The following BATF3 variants were observed in gnomAD, a reference collection of about 807,000 sequenced individuals.
BATF3 encodes the protein basic leucine zipper ATF-like transcription factor 3.
A neutral mutation model predicts 16.1 loss-of-function variants in BATF3; 8 were observed. The ratio of observed to expected loss-of-function variants is 0.50; its 90% CI spans 0.29 to 0.90. The LOEUF (loss-of-function observed/expected upper bound fraction) is 0.90. Ranked by LOEUF, BATF3 falls within the 40% of genes least tolerant of loss-of-function variation. BATF3 has a pLI of 0.08. For synonymous variants in BATF3, 74 were observed against 72.7 expected (o/e 1.02, Z -0.09); for missense variants, 139 against 167.0 (o/e 0.83, Z 0.92).
chr1:212,686,730 C>A lies in BATF3; in HGVS notation c.*61G>T. 6.5e-7 allele frequency: 1 copy of A among 1,547,130 alleles called. No individual in the cohort carries two copies. ...CCTGTATACAATTGTGAAGGAAAAG[C>A]CTTCCTCCCAGGTATGAAAATGACC... On this transcript the variant is annotated 3_prime_UTR_variant, in exon 3 of 3. Transcript: ENST00000243440.
chr1:212,696,073 C>A (rs528771382), intron 2 of BATF3, among the ~76,000 whole-genome samples: 1 of 151,528 alleles, frequency 6.6e-6, no homozygotes, highest in South Asian at 2.1e-4. Context: ...AGAGGGCCTG[C>A]CTGGAGTAAT....
rs1299618839 is a variant in BATF3, at chr1:212,699,626, G to T, written c.90+47C>A. 4.0e-6 allele frequency: 5 copies of T among 1,247,864 alleles called. No individual in the cohort carries two copies. The highest frequency in any genetic ancestry group is 5.0e-6 in the Non-Finnish European group (5 of 991,224). 77.3% of individuals were successfully genotyped at this position (1,247,864 alleles called of 1,614,324 possible). ...CCCACCTCCTCGCCCCCCGCGGCGC[G>T]CCGGTCCCCGCACCCCACGGCCCTC... On this transcript the variant is annotated intron_variant, in intron 1 of 2. Transcript: ENST00000243440. The surrounding 1 kb of genome is among the most constrained non-coding windows in gnomAD (Gnocchi z 4.4).
chr1:212,699,256 A>ACCCCC lies in BATF3; in HGVS notation c.90+412_90+416dup, dbSNP rs57901499. 9.9e-5 allele frequency among the ~76,000 whole-genome samples: 15 copies of ACCCCC among 151,068 alleles called. No individual in the cohort carries two copies. Among genetic ancestry groups the ACCCCC allele is most frequent in the African/African-American group, 3.2e-4 (13 of 41,088 alleles). ...CGGCGTTCTCCATTCCCGCGGCAGC[A>ACCCCC]CCCCCCCCACCCGGGGGAATCCTGG... On this transcript the variant is annotated intron_variant, in intron 1 of 2. Coordinates refer to ENST00000243440, the MANE Select transcript of BATF3 (RefSeq NM_018664.3). This position sits in a 1 kb window ranked among gnomAD's most constrained non-coding sequence, Gnocchi z 4.4.
chr1:212,692,402 C>A lies in BATF3; in HGVS notation c.195+4559G>T, dbSNP rs113500175. Among the ~76,000 whole-genome samples, 1,188 of 152,028 alleles carry A rather than the reference C, an allele frequency of 7.8e-3. 14 individuals are homozygous for A. The highest frequency in any genetic ancestry group is 0.027 in the African/African-American group (1,128 of 41,436). On this transcript the variant is annotated intron_variant, in intron 2 of 2. Coordinates refer to ENST00000243440, the MANE Select transcript of BATF3 (RefSeq NM_018664.3). ...CAGGAAGACGAAAGAGCAAAAAAAACCCAAAAAAACCAGAGGCTCAAGTAT... is the reference window on the plus strand; with the variant it reads ...CAGGAAGACGAAAGAGCAAAAAAAAACCAAAAAAACCAGAGGCTCAAGTAT...
At chr1:212,691,325 C>T (rs188027880) in intron 2 of BATF3, among the ~76,000 whole-genome samples, 1 of 152,304 alleles carries the variant, frequency 6.6e-6, no homozygotes, top group East Asian at 1.9e-4. Flanking sequence ...CTGAGAGGTA[C>T]AGTGACTTTT....
chr1:212,689,765 TCACA>T lies in BATF3; in HGVS notation c.196-2790_196-2787del, dbSNP rs1302600801. ...TACACACATACACATATACACACAC[TCACA>T]CACGTCCGCAAACACACTCACACAC... is the stretch of plus-strand genomic sequence containing the variant. On this transcript the variant is annotated intron_variant, in intron 2 of 2. Coordinates refer to ENST00000243440, the MANE Select transcript of BATF3 (RefSeq NM_018664.3). This position sits in a 1 kb window ranked among gnomAD's most constrained non-coding sequence, Gnocchi z 4.6. 6.8e-6 allele frequency among the ~76,000 whole-genome samples: 1 copy of T among 147,794 alleles called. No individual in the cohort carries two copies. The highest frequency in any genetic ancestry group is 2.1e-4 in the South Asian group (1 of 4,674).
Position 212,686,757 on chromosome 1 carries a change from A to G in BATF3, c.*34T>C, listed in dbSNP as rs1656858584. The G allele has an allele frequency of 6.3e-7, 1 of 1,590,172 alleles. No homozygotes were observed. Among genetic ancestry groups the G allele is most frequent in the Non-Finnish European group, 8.6e-7 (1 of 1,166,572 alleles). ...TTCCTCCCAGGTATGAAAATGACCAAGGCTCCTTGCTGGGCAGAGGAGTGT... is the reference window on the plus strand; with the variant it reads ...TTCCTCCCAGGTATGAAAATGACCAGGGCTCCTTGCTGGGCAGAGGAGTGT... On this transcript the variant is annotated 3_prime_UTR_variant, in exon 3 of 3. Coordinates refer to ENST00000243440, the MANE Select transcript of BATF3 (RefSeq NM_018664.3).
Position 212,699,674 on chromosome 1 carries a change from T to G in BATF3, c.89A>C (p.Gln30Pro). Residue 30 changes from glutamine (Q) to proline (P), a missense_variant and splice_region_variant, in exon 1 of 3, where the codon CAG becomes CCG. Gln to Pro is a moderately conservative substitution (Grantham distance 76). Transcript: ENST00000243440. This position sits in a 1 kb window ranked among gnomAD's most constrained non-coding sequence, Gnocchi z 4.4. ...GNQPQPQPQQ[Q>P]SPEDDDRKVR... is the part of the protein sequence containing the mutation. ...CTCCCTGAGCCTCTCGCCCTCTACCTGCTGCTGCGGCTGCGGCTGCGGCTG... is the reference window on the plus strand; with the variant it reads ...CTCCCTGAGCCTCTCGCCCTCTACCGGCTGCTGCGGCTGCGGCTGCGGCTG... The G allele has an allele frequency of 2.2e-6, 3 of 1,338,308 alleles. No individual in the cohort carries two copies. The highest frequency in any genetic ancestry group is 1.9e-5 in the South Asian group (1 of 53,428). The allele number at this position is 1,338,308 out of a possible 1,614,324, so 82.9% of individuals were successfully genotyped here.
intron 1 of BATF3, chr1:212,697,534 A>G (rs1657161104): frequency 6.4e-6 from 1 of 155,902 alleles, no homozygotes. Flanking sequence ...TCCTTATACC[A>G]CCACACATGA....
At chr1:212,695,222 G>A (rs138858941) in intron 2 of BATF3, among the ~76,000 whole-genome samples, 1,633 of 152,202 alleles carry the variant, frequency 0.011, 17 homozygotes, top group Middle Eastern at 0.024. Flanking sequence ...ATGGCCAGGC[G>A]CAGTGGCTCA....
chr1:212,686,770 G>A lies in BATF3; in HGVS notation c.*21C>T. 1 of 1,602,202 alleles carries A rather than the reference G, an allele frequency of 6.2e-7. No individual in the cohort carries two copies. Among genetic ancestry groups the A allele is most frequent in the Non-Finnish European group, 8.5e-7 (1 of 1,173,614 alleles). On this transcript the variant is annotated 3_prime_UTR_variant, in exon 3 of 3. Transcript: ENST00000243440. ...TGAAAATGACCAAGGCTCCTTGCTGGGCAGAGGAGTGTCCCCGGCTTCATC... is the reference window on the plus strand; with the variant it reads ...TGAAAATGACCAAGGCTCCTTGCTGAGCAGAGGAGTGTCCCCGGCTTCATC...
At chr1:212,693,149 A>G (rs1657040336) in intron 2 of BATF3, among the ~76,000 whole-genome samples, 1 of 152,208 alleles carries the variant, frequency 6.6e-6, no homozygotes, top group South Asian at 2.1e-4. Flanking sequence ...TAAACCAGAT[A>G]CCTTGCCTCC....
chr1:212,687,094 C>T, intron 2 of BATF3, 115 bp from the exon 3 acceptor site: 1 of 695,316 alleles, frequency 1.4e-6, no homozygotes, highest in Non-Finnish European at 2.6e-6. Flanking sequence ...CGCATGTCCC[C>T]TCCACTGCTC....
chr1:212,697,822 A>C (rs1657167503), intron 1 of BATF3: 1 of 152,220 alleles, frequency 6.6e-6, no homozygotes, highest in South Asian at 2.1e-4. Context: ...AAAACACTTC[A>C]ATCAGCTATA....
In BATF3 at chr1:212,691,391, T is replaced by C. The variant is rs538124293; in HGVS notation, c.196-4412A>G. 3.3e-5 allele frequency among the ~76,000 whole-genome samples: 5 copies of C among 152,300 alleles called. No individual in the cohort carries two copies. In the South Asian group the frequency reaches 8.3e-4, roughly 25 times the overall value. Reference sequence around the variant, plus strand: ...CTAACTTCAAGGTCAACTGCAACTCTCTTGTAGCATCAACAATTCTGCTTT... The same window carrying C: ...CTAACTTCAAGGTCAACTGCAACTCCCTTGTAGCATCAACAATTCTGCTTT... On this transcript the variant is annotated intron_variant, in intron 2 of 2. Transcript: ENST00000243440.
chr1:212,686,693 C>T lies in BATF3; in HGVS notation c.*98G>A, dbSNP rs1656857636. 2.7e-6 allele frequency: 4 copies of T among 1,457,100 alleles called. No homozygotes were observed. The highest frequency in any genetic ancestry group is 3.6e-6 in the Non-Finnish European group (4 of 1,102,880). The allele number at this position is 1,457,100 out of a possible 1,614,324, so 90.3% of individuals were successfully genotyped here. A position where few individuals can be genotyped will look rare whatever the true frequency, so the allele number is the denominator to read the frequency against. On this transcript the variant is annotated 3_prime_UTR_variant, in exon 3 of 3. Coordinates refer to ENST00000243440, the MANE Select transcript of BATF3 (RefSeq NM_018664.3). Reference sequence around the variant, plus strand: ...CTGGAGCTCCCAGGAGGAGGCCTGGCCACAGGTGCCCCCTGTATACAATTG... The same window carrying T: ...CTGGAGCTCCCAGGAGGAGGCCTGGTCACAGGTGCCCCCTGTATACAATTG...
chr1:212,688,518 C>T (rs1327622339), intron 2 of BATF3, among the ~76,000 whole-genome samples: 2 of 152,226 alleles, frequency 1.3e-5, no homozygotes, highest in South Asian at 2.1e-4. Flanking sequence ...GATTTTACAT[C>T]CATCTCCACT....
intron 2 of BATF3, chr1:212,687,464 C>A (rs1487605658): frequency 3.0e-5 from 5 of 164,134 alleles, no homozygotes; most frequent in African/African-American, 1.2e-4. Context: ...CTCCAGCACT[C>A]ACCTGTTCAG....
In BATF3 at chr1:212,689,848, CACAG is replaced by C. The variant is rs1262822113; in HGVS notation, c.196-2873_196-2870del. 3.4e-5 allele frequency among the ~76,000 whole-genome samples: 5 copies of C among 146,570 alleles called. No individual in the cohort carries two copies. The highest frequency in any genetic ancestry group is 7.6e-5 in the African/African-American group (3 of 39,724). ...TCACACACACACACTCATACACAACCACAGACACACACACAGATACACACAGTCA... is the reference window on the plus strand; with the variant it reads ...TCACACACACACACTCATACACAACCACACACACACAGATACACACAGTCA... On this transcript the variant is annotated intron_variant, in intron 2 of 2. Coordinates refer to ENST00000243440, the MANE Select transcript of BATF3 (RefSeq NM_018664.3). The surrounding 1 kb of genome is among the most constrained non-coding windows in gnomAD (Gnocchi z 4.6).
Sources: allele counts gnomAD v4.1 joint callset (sites outside exome capture counted in the v4.1 genomes callset), GRCh38; gene constraint gnomAD v4.1.1; non-coding constraint Gnocchi (gnomAD v3.1); transcripts MANE v1.5; gene names NCBI Gene and HGNC (gene_info 2026-07-23, HGNC 2026-07-21).